The following PLXNA2 variants were observed in gnomAD, a reference collection of about 807,000 sequenced individuals.
PLXNA2 encodes plexin A2.
A neutral mutation model predicts 193.5 loss-of-function variants in PLXNA2; 91 were observed. The observed-to-expected ratio is 0.47, with a 90% CI of 0.40 to 0.56. The LOEUF is 0.56. Ranked by LOEUF, PLXNA2 falls within the 20% of genes least tolerant of loss-of-function variation. The pLI is 0.00. For missense variants in PLXNA2, 1,995 were observed against 2,503.2 expected, an observed-to-expected ratio of 0.80 and a Z score of 4.33; for synonymous variants, 997 against 1,027.3, an observed-to-expected ratio of 0.97 and a Z score of 0.56.
intron 5 of PLXNA2, among the ~76,000 whole-genome samples, chr1:208,099,417 T>C (rs1667020363): frequency 6.6e-6 from 1 of 152,216 alleles, no homozygotes. Flanking sequence ...GTATGTCTTA[T>C]GTAAATGAAG....
intron 3 of PLXNA2, among the ~76,000 whole-genome samples, chr1:208,157,312 T>C (rs1373583549): frequency 6.6e-6 from 1 of 152,236 alleles, no homozygotes; most frequent in East Asian, 1.9e-4. Flanking sequence ...TCTAAGACAG[T>C]TATCATTCCA....
intron 2 of PLXNA2, among the ~76,000 whole-genome samples, chr1:208,211,006 C>A (rs1670924870): frequency 6.6e-6 from 1 of 152,168 alleles, no homozygotes; most frequent in Admixed American, 6.5e-5. Context: ...CTGGAGCCAA[C>A]CATGGGAATT....
At chr1:208,200,151 T>C (rs1160477081) in intron 3 of PLXNA2, among the ~76,000 whole-genome samples, 2 of 152,242 alleles carry the variant, frequency 1.3e-5, no homozygotes, top group Non-Finnish European at 1.5e-5. Flanking sequence ...AGGATGGGGA[T>C]GGCTGATTGG....
chr1:208,096,597 A>G, intron 7 of PLXNA2, 133 bp downstream of exon 7: 1 of 1,073,718 alleles, frequency 9.3e-7, no homozygotes, highest in South Asian at 1.6e-5. Flanking sequence ...GTTTGCTTTC[A>G]AACGTAAACA....
At chr1:208,177,041 GCA>G (rs1364418750) in intron 3 of PLXNA2, among the ~76,000 whole-genome samples, 1 of 152,036 alleles carries the variant, frequency 6.6e-6, no homozygotes, top group African/African-American at 2.4e-5. Context: ...CAAGCTCCAT[GCA>G]CACTTTTCTT....
At chr1:208,220,353 C>T (rs535978428) in intron 1 of PLXNA2, among the ~76,000 whole-genome samples, 1 of 152,222 alleles carries the variant, frequency 6.6e-6, no homozygotes, top group Non-Finnish European at 1.5e-5. Flanking sequence ...GTTGTCATGA[C>T]AGTAAATGAG....
intron 13 of PLXNA2, among the ~76,000 whole-genome samples, 165 bp downstream of exon 13, chr1:208,060,521 G>T (rs1337474058): frequency 6.6e-6 from 1 of 152,180 alleles, no homozygotes; most frequent in Admixed American, 6.5e-5. Context: ...CCTGAGGGTG[G>T]AGGTGAGGGA....
intron 12 of PLXNA2, among the ~76,000 whole-genome samples, chr1:208,061,974 A>T (rs926578757): frequency 8.5e-5 from 13 of 152,228 alleles, no homozygotes; most frequent in Non-Finnish European, 1.5e-4. Context: ...AGTCAGGGAT[A>T]TATCCAAAGC....
chr1:208,038,715 C>A lies in PLXNA2; in HGVS notation c.4660+110G>T, dbSNP rs1483941649. Reference sequence around the variant, plus strand: ...CAAAGCGGGAAGCATTTCACACGGGCCTCAGCTGGCCAGGACACAGTCATG... The same window carrying A: ...CAAAGCGGGAAGCATTTCACACGGGACTCAGCTGGCCAGGACACAGTCATG... On this transcript the variant is annotated intron_variant, in intron 25 of 31. Transcript: ENST00000367033. This position sits in a 1 kb window ranked among gnomAD's most constrained non-coding sequence, Gnocchi z 4.1. 4.2e-6 allele frequency: 5 copies of A among 1,185,042 alleles called. No individual in the cohort carries two copies. Among genetic ancestry groups the A allele is most frequent in the Middle Eastern group, 4.0e-4 (2 of 5,020 alleles). The allele number at this position is 1,185,042 out of a possible 1,614,324, so 73.4% of individuals were successfully genotyped here.
intron 23 of PLXNA2, 73 bp from the exon 24 acceptor site, chr1:208,039,840 G>A (rs1270304071): frequency 4.2e-5 from 68 of 1,606,168 alleles, no homozygotes; most frequent in Non-Finnish European, 5.0e-5. Flanking sequence ...TTCCTCTCTC[G>A]GAGCGAGGCC....
chr1:208,089,360 A>G (rs1478685172), intron 9 of PLXNA2, among the ~76,000 whole-genome samples: 4 of 152,170 alleles, frequency 2.6e-5, no homozygotes, highest in Non-Finnish European at 5.9e-5. Context: ...ATGGGCCCTG[A>G]TTTTCTGTAG....
At chr1:208,051,516 T>A in intron 15 of PLXNA2, 93 bp from the exon 16 acceptor site, 1 of 972,320 alleles carries the variant, frequency 1.0e-6, no homozygotes, top group Non-Finnish European at 1.6e-6. Context: ...GGTCTGCGGG[T>A]AAGGCCACAG....
chr1:208,200,171 A>G (rs985850098), intron 3 of PLXNA2, among the ~76,000 whole-genome samples: 1 of 152,222 alleles, frequency 6.6e-6, no homozygotes, highest in Non-Finnish European at 1.5e-5. Context: ...GGACAACCCA[A>G]CGGCACCAGC....
intron 5 of PLXNA2, among the ~76,000 whole-genome samples, chr1:208,102,238 T>A (rs532948260): frequency 6.6e-6 from 1 of 152,312 alleles, no homozygotes; most frequent in South Asian, 2.1e-4. Context: ...CAAGAGCTAT[T>A]GTGCAGGACC....
At position 208,064,248 on chromosome 1, in the gene PLXNA2, G is replaced by T. The variant is rs115311230; in HGVS notation, c.2587-3411C>A. Among the ~76,000 whole-genome samples the T allele has an allele frequency of 3.3e-3, 502 of 152,328 alleles. 5 individuals are homozygous for T. Among genetic ancestry groups the T allele is most frequent in the African/African-American group, 0.012 (483 of 41,574 alleles). On this transcript the variant is annotated intron_variant, in intron 12 of 31. Coordinates refer to ENST00000367033, the MANE Select transcript of PLXNA2 (RefSeq NM_025179.4). Reference sequence around the variant, plus strand: ...TCTCCTACCCACACTAACCCCAAGGGTTTGCATGTAAATCTACTTTCCAGT... The same window carrying T: ...TCTCCTACCCACACTAACCCCAAGGTTTTGCATGTAAATCTACTTTCCAGT...
At chr1:208,046,169 C>CAG in intron 17 of PLXNA2, 52 bp from the exon 18 acceptor site, 1 of 1,566,520 alleles carries the variant, frequency 6.4e-7, no homozygotes, top group Non-Finnish European at 8.7e-7. Context: ...GCACAGAGCC[C>CAG]AGGGGCCCAC....
intron 4 of PLXNA2, among the ~76,000 whole-genome samples, chr1:208,138,638 A>G (rs1430356603): frequency 6.6e-6 from 1 of 152,222 alleles, no homozygotes; most frequent in South Asian, 2.1e-4. Context: ...TAATCCCAGG[A>G]CTTTGGGAGG....
intron 3 of PLXNA2, among the ~76,000 whole-genome samples, chr1:208,174,949 T>C (rs1464010209): frequency 4.6e-5 from 7 of 152,176 alleles, no homozygotes; most frequent in African/African-American, 1.7e-4. Context: ...GCTGATCTGA[T>C]ACCTCCCTGG....
Position 208,028,943 on chromosome 1 carries a change from G to C in PLXNA2, c.5325C>G (p.Ala1775=). The change falls in exon 30 of 32, where the codon GCC becomes GCG. Residue 1775 remains alanine, a synonymous_variant. Coordinates refer to ENST00000367033, the MANE Select transcript of PLXNA2 (RefSeq NM_025179.4). The surrounding 1 kb of genome is among the most constrained non-coding windows in gnomAD (Gnocchi z 4.2). The stretch of plus-strand genomic sequence containing the variant: ...TTGAACAAGAGTCCATGAAGGTCTG[G>C]GCCACCACAGAGAGGCAGGCGTCCG... ...SITDACLSVV[A]QTFMDSCSTS... is the part of the protein sequence containing the mutation. The C allele has an allele frequency of 6.2e-7, 1 of 1,614,100 alleles. No individual in the cohort carries two copies. Among genetic ancestry groups the C allele is most frequent in the South Asian group, 1.1e-5 (1 of 91,060 alleles).
Sources: allele counts gnomAD v4.1 joint callset (sites outside exome capture counted in the v4.1 genomes callset), GRCh38; gene constraint gnomAD v4.1.1; non-coding constraint Gnocchi (gnomAD v3.1); transcripts MANE v1.5; gene names NCBI Gene and HGNC (gene_info 2026-07-23, HGNC 2026-07-21).